Variants in PAG1 observed in about 807,000 individuals in gnomAD.
PAG1 encodes phosphoprotein associated with glycosphingolipid-enriched microdomains 1.
PAG1 carries 23 observed loss-of-function variants against 31.7 expected under a neutral mutation model. The observed-to-expected ratio is 0.73, with a 90% CI of 0.52 to 1.03. PAG1 has a LOEUF of 1.03. Ranked by LOEUF, PAG1 falls within the 50% of genes least tolerant of loss-of-function variation. The probability of loss-of-function intolerance (pLI) is 0.00; values close to 1 mark genes in which losing one functional copy is unlikely to be tolerated. For missense variants in PAG1, 473 were observed against 540.7 expected (o/e 0.87, Z 1.24); for synonymous variants, 214 against 210.3 (o/e 1.02, Z -0.15).
In PAG1 at chr8:80,972,172, T is replaced by G. The variant is rs987201849; in HGVS notation, c.*4372A>C. 3 of 152,202 alleles carry G rather than the reference T, an allele frequency of 2.0e-5. No homozygotes were observed. The highest frequency in any genetic ancestry group is 7.2e-5 in the African/African-American group (3 of 41,446). The allele number at this position is 152,202 out of a possible 1,614,324, so 9.4% of individuals were successfully genotyped here. On this transcript the variant is annotated 3_prime_UTR_variant, in exon 9 of 9. Transcript: ENST00000220597. ...ACATTATACTTTAACTTTTCCCCAT[T>G]ACACAGTACAATAAGCCTGTCAAGA...
chr8:81,049,659 T>C (rs559917912), intron 2 of PAG1, among the ~76,000 whole-genome samples: 45 of 152,332 alleles, frequency 3.0e-4, no homozygotes, highest in Non-Finnish European at 5.4e-4. Context: ...AAGCAGCACA[T>C]AGCAAAATAA....
intron 2 of PAG1, among the ~76,000 whole-genome samples, chr8:81,031,831 A>T (rs1168988381): frequency 6.6e-6 from 1 of 152,234 alleles, no homozygotes; most frequent in Non-Finnish European, 1.5e-5. Context: ...GGTCATCAAG[A>T]CACTGTGGTG....
At chr8:81,014,974 C>T (rs1159600547) in intron 3 of PAG1, among the ~76,000 whole-genome samples, 1 of 152,140 alleles carries the variant, frequency 6.6e-6, no homozygotes, top group Non-Finnish European at 1.5e-5. Flanking sequence ...CATTTAAGGA[C>T]TTAGAAGTTC....
intron 3 of PAG1, among the ~76,000 whole-genome samples, chr8:81,011,559 T>A (rs1404630929): frequency 2.6e-5 from 4 of 152,194 alleles, no homozygotes; most frequent in African/African-American, 9.6e-5. Context: ...AACGGACTAA[T>A]ACATGCACTT....
rs77373120 is a variant in PAG1, at chr8:81,100,831, T to C, written c.-234+10760A>G. 2.3e-3 allele frequency among the ~76,000 whole-genome samples: 355 copies of C among 152,310 alleles called. 2 individuals are homozygous for C. Among genetic ancestry groups the C allele is most frequent in the African/African-American group, 8.1e-3 (335 of 41,558 alleles). On this transcript the variant is annotated intron_variant, in intron 1 of 8. Coordinates refer to ENST00000220597, the MANE Select transcript of PAG1 (RefSeq NM_018440.4). Reference sequence around the variant, plus strand: ...GGAGAAGCAAAAGCTAATTCTAATATAAGGCTGACAGTTTTTAGGAAATGT... The same window carrying C: ...GGAGAAGCAAAAGCTAATTCTAATACAAGGCTGACAGTTTTTAGGAAATGT...
At chr8:81,021,097 C>T (rs1808159600) in intron 3 of PAG1, among the ~76,000 whole-genome samples, 1 of 152,224 alleles carries the variant, frequency 6.6e-6, no homozygotes, top group South Asian at 2.1e-4. Context: ...GTGTTCAAGC[C>T]CTACAGAAAC....
chr8:81,091,048 G>T (rs564873284), intron 1 of PAG1, among the ~76,000 whole-genome samples: 2 of 152,292 alleles, frequency 1.3e-5, no homozygotes, highest in African/African-American at 4.8e-5. Context: ...GATGATAAGG[G>T]TCTAAACTAA....
At position 80,976,829 on chromosome 8, in the gene PAG1, C is replaced by G; in HGVS notation, c.1014G>C (p.Glu338Asp). Reference protein sequence around the residue: ...NKSGQSLTVPESTYTSIQGDP... With the variant: ...NKSGQSLTVPDSTYTSIQGDP... ...CCCCTTGAATGGAGGTGTAGGTGGA[C>G]TCCGGAACTGTAAGCGACTGCCCCG... Residue 338 changes from glutamate to aspartate, a missense_variant, in exon 9 of 9, where the codon GAG becomes GAC. By Grantham distance (45) the Glu-to-Asp change is conservative. Coordinates refer to ENST00000220597, the MANE Select transcript of PAG1 (RefSeq NM_018440.4). The G allele has an allele frequency of 6.2e-7, 1 of 1,613,884 alleles. No homozygotes were observed. The highest frequency in any genetic ancestry group is 1.1e-5 in the South Asian group (1 of 91,070).
At chr8:81,076,897 T>C (rs1809187631) in intron 1 of PAG1, among the ~76,000 whole-genome samples, 1 of 152,218 alleles carries the variant, frequency 6.6e-6, no homozygotes, top group Non-Finnish European at 1.5e-5. Flanking sequence ...TTGTAAAGCA[T>C]GGGAAGCTGT....
intron 5 of PAG1, among the ~76,000 whole-genome samples, chr8:80,988,472 AT>A (rs1170901537): frequency 1.3e-5 from 2 of 152,042 alleles, no homozygotes; most frequent in Non-Finnish European, 2.9e-5. Context: ...TTATTTATTT[AT>A]TTTTTAAGAT....
At chr8:80,996,244 G>A (rs1807670472) in intron 3 of PAG1, among the ~76,000 whole-genome samples, 1 of 152,216 alleles carries the variant, frequency 6.6e-6, no homozygotes, top group African/African-American at 2.4e-5. Flanking sequence ...ACCAGCAACT[G>A]CCACCTACTC....
At chr8:80,999,153 G>A (rs544417762) in intron 3 of PAG1, among the ~76,000 whole-genome samples, 23 of 152,160 alleles carry the variant, frequency 1.5e-4, no homozygotes, top group Non-Finnish European at 3.1e-4. Flanking sequence ...GTAGTCTTCC[G>A]TTCAGGTTAC....
intron 2 of PAG1, among the ~76,000 whole-genome samples, chr8:81,069,720 C>T (rs988673802): frequency 6.6e-6 from 1 of 150,564 alleles, no homozygotes; most frequent in African/African-American, 2.5e-5. Flanking sequence ...TCCTATTAAT[C>T]TCTCTATCAA....
intron 3 of PAG1, among the ~76,000 whole-genome samples, chr8:81,019,557 A>C (rs1808127193): frequency 6.6e-6 from 1 of 152,250 alleles, no homozygotes; most frequent in Non-Finnish European, 1.5e-5. Context: ...TGCAAGCCCC[A>C]AGCATTGGTG....
chr8:80,976,991 T>C lies in PAG1; in HGVS notation c.937-85A>G, dbSNP rs1586135255. ...TAGTGACAAGCTACATACTGAGCAC[T>C]CCTGGGTTTCTGTGTGTGTACTCCT... On this transcript the variant is annotated intron_variant, in intron 8 of 8. Coordinates refer to ENST00000220597, the MANE Select transcript of PAG1 (RefSeq NM_018440.4). The C allele has an allele frequency of 3.1e-6, 4 of 1,283,400 alleles. No homozygotes were observed. The East Asian group carries it at 7.0e-5, about 22-fold the overall frequency. The allele number at this position is 1,283,400 out of a possible 1,614,324, so 79.5% of individuals were successfully genotyped here.
intron 1 of PAG1, among the ~76,000 whole-genome samples, chr8:81,098,434 T>C (rs1809561451): frequency 6.6e-6 from 1 of 152,158 alleles, no homozygotes; most frequent in Admixed American, 6.5e-5. Flanking sequence ...TAAAGAAAAT[T>C]TACTCTAGTG....
chr8:81,069,763 T>C (rs1261794713), intron 2 of PAG1, among the ~76,000 whole-genome samples: 1 of 152,258 alleles, frequency 6.6e-6, no homozygotes, highest in East Asian at 1.9e-4. Context: ...TATCCCTGTC[T>C]CAAAGATGAG....
chr8:81,051,342 A>C (rs6987319), intron 2 of PAG1, among the ~76,000 whole-genome samples: 43,636 of 152,124 alleles, frequency 0.29, 8,384 homozygotes, highest in African/African-American at 0.55. Context: ...CATCAGCCCC[A>C]AACTGTCACA....
chr8:81,056,461 A>C (rs368314743), intron 2 of PAG1, among the ~76,000 whole-genome samples: 3 of 152,128 alleles, frequency 2.0e-5, no homozygotes, highest in South Asian at 4.1e-4. Context: ...CAAAAACAAG[A>C]AATGGGGAAA....
Sources: gnomAD v4.1 joint callset for allele counts (sites outside exome capture counted in the v4.1 genomes callset) on GRCh38, gnomAD v4.1.1 for gene constraint, MANE v1.5 for transcripts, NCBI Gene and HGNC (gene_info 2026-07-23, HGNC 2026-07-21) for gene names.